Variants in SASH1 observed in about 807,000 individuals in gnomAD.
SASH1 encodes the protein SAM and SH3 domain-containing protein 1.
A neutral mutation model predicts 125.2 loss-of-function variants in SASH1; 44 were observed. The ratio of observed to expected loss-of-function variants is 0.35; its 90% CI spans 0.28 to 0.45. The LOEUF is 0.45. Ranked by LOEUF, SASH1 falls within the 20% of genes least tolerant of loss-of-function variation. The pLI, the probability that SASH1 is intolerant of heterozygous loss-of-function variation, is 1.00. For synonymous variants in SASH1, 639 were observed against 649.1 expected (o/e 0.98, Z 0.24); for missense variants, 1,426 against 1,614.5 (o/e 0.88, Z 2.00).
chr6:148,293,534 A>T (rs1779688180), intron 1 of SASH1, among the ~76,000 whole-genome samples: 1 of 151,880 alleles, frequency 6.6e-6, no homozygotes, highest in African/African-American at 2.4e-5. Context: ...GAGGCTTTCC[A>T]CCTGCCTTCT....
chr6:148,467,934 C>CA (rs201097084), intron 4 of SASH1, among the ~76,000 whole-genome samples: 13,263 of 149,614 alleles, frequency 0.089, 725 homozygotes, highest in Non-Finnish European at 0.13. Flanking sequence ...AAGACTGTCT[C>CA]AAAAAAAAAA....
Position 148,529,020 on chromosome 6 carries a change from A to G in SASH1, c.1428+1424A>G, listed in dbSNP as rs141120057. Among the ~76,000 whole-genome samples, 241 of 152,256 alleles carry G rather than the reference A, an allele frequency of 1.6e-3. 4 individuals carry two copies. The highest frequency in any genetic ancestry group is 5.7e-3 in the African/African-American group (236 of 41,544). On this transcript the variant is annotated intron_variant, in intron 12 of 19. Coordinates refer to ENST00000367467, the MANE Select transcript of SASH1 (RefSeq NM_015278.5). The surrounding 1 kb of genome is among the most constrained non-coding windows in gnomAD (Gnocchi z 4.2). ...TAGATGCCTCGTGTGCACAATTCACAATAGGATTCGTGCTCCTACGAGAAT... is the reference window on the plus strand; with the variant it reads ...TAGATGCCTCGTGTGCACAATTCACGATAGGATTCGTGCTCCTACGAGAAT...
chr6:148,517,292 T>C (rs1780495771), intron 9 of SASH1, among the ~76,000 whole-genome samples: 2 of 152,166 alleles, frequency 1.3e-5, no homozygotes, highest in African/African-American at 4.8e-5. Flanking sequence ...CCGGGCTGGA[T>C]GCAGAGCATA....
chr6:148,237,101 A>G, the SASH1 span, among the ~76,000 whole-genome samples: 68 of 152,214 alleles, frequency 4.5e-4, no homozygotes, highest in African/African-American at 1.5e-3. Flanking sequence ...TTATTCTGTT[A>G]TAGCAGCAGA....
chr6:148,459,685 G>A (rs1777528215), intron 4 of SASH1, among the ~76,000 whole-genome samples: 1 of 152,058 alleles, frequency 6.6e-6, no homozygotes, highest in African/African-American at 2.4e-5. Flanking sequence ...TGGTTCATAG[G>A]TAGGGTGGTT....
At chr6:148,227,829 T>G in the SASH1 span, among the ~76,000 whole-genome samples, 1 of 152,164 alleles carries the variant, frequency 6.6e-6, no homozygotes, top group Non-Finnish European at 1.5e-5. Context: ...CCACAATAGT[T>G]ATTGTCCACT....
chr6:148,206,257 A>T, the SASH1 span, among the ~76,000 whole-genome samples: 2 of 152,052 alleles, frequency 1.3e-5, no homozygotes, highest in Admixed American at 1.3e-4. Context: ...AGTCAGCCCC[A>T]CCTAGAAACA....
intron 1 of SASH1, among the ~76,000 whole-genome samples, chr6:148,302,635 G>C (rs1779997084): frequency 7.1e-6 from 1 of 140,852 alleles, no homozygotes; most frequent in South Asian, 2.3e-4. Flanking sequence ...ATATATATAG[G>C]GTACATTAGA....
intron 1 of SASH1, among the ~76,000 whole-genome samples, chr6:148,344,886 G>C (rs1781471972): frequency 6.6e-6 from 1 of 151,866 alleles, no homozygotes; most frequent in Admixed American, 6.6e-5. Context: ...CTCCTGAGTA[G>C]CTGGGATTAC....
At chr6:148,248,519 T>A in the SASH1 span, among the ~76,000 whole-genome samples, 4 of 151,822 alleles carry the variant, frequency 2.6e-5, no homozygotes, top group African/African-American at 9.7e-5. Flanking sequence ...ACAGGTACAT[T>A]TGTCAGGGGG....
At chr6:148,378,330 A>G (rs1236318301) in intron 1 of SASH1, among the ~76,000 whole-genome samples, 3 of 150,484 alleles carry the variant, frequency 2.0e-5, no homozygotes, top group African/African-American at 7.3e-5. Flanking sequence ...CTGGGATTAC[A>G]GGCATGAGCC....
chr6:148,281,440 C>T (rs1161963024), intron 1 of SASH1, among the ~76,000 whole-genome samples: 1 of 152,120 alleles, frequency 6.6e-6, no homozygotes, highest in Non-Finnish European at 1.5e-5. Context: ...ATATGCTCCA[C>T]TAAAACAAGG....
At chr6:148,382,446 C>A (rs142389892) in intron 1 of SASH1, among the ~76,000 whole-genome samples, 1 of 152,126 alleles carries the variant, frequency 6.6e-6, no homozygotes, top group Non-Finnish European at 1.5e-5. Flanking sequence ...CCCACCACCA[C>A]GCCTGGCTAA....
chr6:148,204,899 T>C, the SASH1 span, among the ~76,000 whole-genome samples: 3 of 152,230 alleles, frequency 2.0e-5, no homozygotes, highest in Non-Finnish European at 1.5e-5. Context: ...TGAGCTATCA[T>C]GGTCCTCAGG....
chr6:148,548,280 T>C lies in SASH1; in HGVS notation c.3481-15T>C, dbSNP rs1394014346. The C allele has an allele frequency of 3.1e-6, 5 of 1,598,756 alleles. No homozygotes were observed. The highest frequency in any genetic ancestry group is 2.7e-5 in the African/African-American group (2 of 74,422). On this transcript the variant is annotated splice_polypyrimidine_tract_variant and intron_variant, in intron 19 of 19. Coordinates refer to ENST00000367467, the MANE Select transcript of SASH1 (RefSeq NM_015278.5). The stretch of plus-strand genomic sequence containing the variant: ...CATGGAGCGTTTCTATCATATTCTT[T>C]CTTAATTTATCCAGATTCCAAGTGG...
chr6:148,411,882 G>A (rs1784645481), intron 2 of SASH1, among the ~76,000 whole-genome samples: 1 of 152,148 alleles, frequency 6.6e-6, no homozygotes, highest in African/African-American at 2.4e-5. Flanking sequence ...AATCCCCCTT[G>A]AAATTCTCAG....
intron 4 of SASH1, among the ~76,000 whole-genome samples, chr6:148,452,401 T>C (rs1168126959): frequency 6.6e-6 from 1 of 152,168 alleles, no homozygotes; most frequent in Non-Finnish European, 1.5e-5. Flanking sequence ...AGGGTCCTTC[T>C]AGCTCAGGCC....
chr6:148,374,500 A>C (rs1192889750), intron 1 of SASH1, among the ~76,000 whole-genome samples: 1 of 152,244 alleles, frequency 6.6e-6, no homozygotes, highest in Non-Finnish European at 1.5e-5. Flanking sequence ...TCATTCTCAC[A>C]GTAACTGGGT....
At chr6:148,466,574 CTGAATGAGACAGAGT>C (rs1777846453) in intron 4 of SASH1, among the ~76,000 whole-genome samples, 1 of 152,158 alleles carries the variant, frequency 6.6e-6, no homozygotes, top group African/African-American at 2.4e-5. Context: ...TCTTCTTCCT[CTGAATGAGACAGAGT>C]CTCATTCAGT....
Sources: allele counts gnomAD v4.1 joint callset (sites outside exome capture counted in the v4.1 genomes callset), GRCh38; gene constraint gnomAD v4.1.1; non-coding constraint Gnocchi (gnomAD v3.1); transcripts MANE v1.5; gene names NCBI Gene and HGNC (gene_info 2026-07-23, HGNC 2026-07-21).